PRICKLE1: variants seen among roughly 807,000 people sequenced by gnomAD.
PRICKLE1 encodes the protein prickle planar cell polarity protein 1, also known as prickle-like protein 1.
A neutral mutation model predicts 70.2 loss-of-function variants in PRICKLE1; 14 were observed. The ratio of observed to expected loss-of-function variants is 0.20; its 90% CI spans 0.13 to 0.31. PRICKLE1 has a LOEUF of 0.31. PRICKLE1 is among the 10% of genes least tolerant of loss of function. PRICKLE1 has a pLI of 1.00. For missense variants in PRICKLE1, 821 were observed against 1,026.2 expected (o/e 0.80, Z 2.73); for synonymous variants, 357 against 379.9 (o/e 0.94, Z 0.70).
At position 42,464,770 on chromosome 12, in the gene PRICKLE1, A is replaced by T; in HGVS notation, c.1264T>A (p.Phe422Ile). 6.2e-7 allele frequency: 1 copy of T among 1,614,022 alleles called. No individual in the cohort carries two copies. Among genetic ancestry groups the T allele is most frequent in the South Asian group, 1.1e-5 (1 of 91,054 alleles). ...GGCTGAAAGAGGCTTTTATCACCAA[A>T]CTTGAGGAGGAGCTGCGTCATATAA... ...EDYMTQLLLK[F>I]GDKSLFQPQP... The change falls in exon 7 of 8, where the codon TTT (phenylalanine) becomes ATT (isoleucine). Residue 422 changes from phenylalanine to isoleucine, a missense_variant. Transcript: ENST00000345127. The surrounding 1 kb of genome is among the most constrained non-coding windows in gnomAD (Gnocchi z 4.2).
In PRICKLE1 at chr12:42,474,251, G is replaced by A. The variant is rs147429208; in HGVS notation, c.-48-1687C>T. Among the ~76,000 whole-genome samples the A allele has an allele frequency of 7.6e-3, 1,155 of 152,252 alleles. 40 individuals carry two copies. The East Asian group carries it at 0.11, about 14-fold the overall frequency. On this transcript the variant is annotated intron_variant, in intron 1 of 7. Coordinates refer to ENST00000345127, the MANE Select transcript of PRICKLE1 (RefSeq NM_153026.3). The stretch of plus-strand genomic sequence containing the variant: ...TGCACCCCTGGACTCCAGCCTGGGC[G>A]ACAGAGCGAGACTCCGTCTCGAAAA...
chr12:42,541,943 G>A (rs570834917), intron 1 of PRICKLE1, among the ~76,000 whole-genome samples: 28 of 152,172 alleles, frequency 1.8e-4, no homozygotes, highest in Non-Finnish European at 3.4e-4. Flanking sequence ...GAAGAGAAAC[G>A]GGCTTGCAAC....
intron 1 of PRICKLE1, among the ~76,000 whole-genome samples, chr12:42,507,394 C>G (rs1400859131): frequency 6.6e-6 from 1 of 152,120 alleles, no homozygotes; most frequent in African/African-American, 2.4e-5. Flanking sequence ...GGTTTTGAAC[C>G]CTTTTGAACT....
At chr12:42,531,583 T>C (rs897082985) in intron 1 of PRICKLE1, among the ~76,000 whole-genome samples, 1 of 152,196 alleles carries the variant, frequency 6.6e-6, no homozygotes. Context: ...AAAAGGTGTG[T>C]AGTTTAATTC....
intron 1 of PRICKLE1, among the ~76,000 whole-genome samples, chr12:42,558,884 A>C (rs1246543777): frequency 6.6e-6 from 1 of 152,196 alleles, no homozygotes; most frequent in African/African-American, 2.4e-5. Context: ...AGTCAATCAA[A>C]TAGCAAACAG....
chr12:42,479,324 G>A (rs1003001763), intron 1 of PRICKLE1, among the ~76,000 whole-genome samples: 2 of 152,194 alleles, frequency 1.3e-5, no homozygotes, highest in Admixed American at 1.3e-4. Context: ...ATTGACCAAC[G>A]TTTCCAGCTG....
chr12:42,473,011 G>A (rs1938385703), intron 1 of PRICKLE1, among the ~76,000 whole-genome samples: 1 of 152,162 alleles, frequency 6.6e-6, no homozygotes, highest in East Asian at 1.9e-4. Flanking sequence ...CGGCACCCCT[G>A]TATTTCCTAA....
chr12:42,520,411 T>G (rs1423421814), intron 1 of PRICKLE1, among the ~76,000 whole-genome samples: 2 of 152,230 alleles, frequency 1.3e-5, no homozygotes, highest in African/African-American at 2.4e-5. Context: ...TCCCATTTAC[T>G]AACTTTGTGA....
intron 1 of PRICKLE1, among the ~76,000 whole-genome samples, chr12:42,479,240 A>C (rs920027145): frequency 7.2e-5 from 11 of 152,256 alleles, no homozygotes; most frequent in African/African-American, 2.7e-4. Flanking sequence ...GTTAATAACA[A>C]AACCTGAGTT....
intron 1 of PRICKLE1, among the ~76,000 whole-genome samples, chr12:42,519,846 A>T (rs182496519): frequency 6.6e-6 from 1 of 152,122 alleles, no homozygotes; most frequent in Non-Finnish European, 1.5e-5. Flanking sequence ...CTCATTCTGT[A>T]GCCCAGGCTG....
In PRICKLE1 at chr12:42,460,277, C is replaced by G. The variant is rs1196140643; in HGVS notation, c.2028G>C (p.Arg676=). Residue 676 remains arginine (R), a synonymous_variant, in exon 8 of 8, where the codon CGG becomes CGC. Transcript: ENST00000345127. The stretch of plus-strand genomic sequence containing the variant: ...TGTCGGAGCGGGACTTTCTACTTCT[C>G]CGGCGGCGGTGGTGATGAGACCTGG... The part of the protein sequence containing the change: ...RGSRSHHHRR[R]RSRKSRSDNA... 1 of 1,614,006 alleles carries G rather than the reference C, an allele frequency of 6.2e-7. No homozygotes were observed. The highest frequency in any genetic ancestry group is 8.5e-7 in the Non-Finnish European group (1 of 1,180,054).
intron 1 of PRICKLE1, among the ~76,000 whole-genome samples, chr12:42,510,279 A>T (rs1337956023): frequency 6.6e-6 from 1 of 151,898 alleles, no homozygotes; most frequent in African/African-American, 2.4e-5. Context: ...TATTTTTAGT[A>T]GAGATGGGGT....
At chr12:42,535,330 C>A (rs907750682) in intron 1 of PRICKLE1, among the ~76,000 whole-genome samples, 2 of 152,150 alleles carry the variant, frequency 1.3e-5, no homozygotes, top group African/African-American at 2.4e-5. Context: ...CACGCTAGCA[C>A]AAGATTTAGT....
At chr12:42,532,012 A>T (rs889434002) in intron 1 of PRICKLE1, among the ~76,000 whole-genome samples, 5 of 152,074 alleles carry the variant, frequency 3.3e-5, no homozygotes, top group Non-Finnish European at 7.4e-5. Flanking sequence ...ATAAATAAAT[A>T]AATTAGCCGG....
intron 1 of PRICKLE1, among the ~76,000 whole-genome samples, chr12:42,507,958 G>A (rs971791606): frequency 6.6e-6 from 1 of 152,162 alleles, no homozygotes. Context: ...AAAATGCAAC[G>A]ATGTCAATCT....
chr12:42,502,232 TACCTCTATATATATACAC>T (rs1939325006), intron 1 of PRICKLE1, among the ~76,000 whole-genome samples: 1 of 143,886 alleles, frequency 6.9e-6, no homozygotes, highest in African/African-American at 2.7e-5. Flanking sequence ...CCTATACATA[TACCTCTATATATATACAC>T]ACCTATATAT....
At chr12:42,529,354 A>C (rs1033765551) in intron 1 of PRICKLE1, among the ~76,000 whole-genome samples, 3 of 152,256 alleles carry the variant, frequency 2.0e-5, no homozygotes, top group Non-Finnish European at 4.4e-5. Context: ...GACAGGGTAA[A>C]AGAAATATAA....
chr12:42,503,829 C>G (rs1939357527), intron 1 of PRICKLE1, among the ~76,000 whole-genome samples: 1 of 152,268 alleles, frequency 6.6e-6, no homozygotes, highest in East Asian at 1.9e-4. Context: ...CTAGGTCACA[C>G]CTGAGGTTCC....
chr12:42,469,794 T>A lies in PRICKLE1; in HGVS notation c.247-207A>T, dbSNP rs7952738. On this transcript the variant is annotated intron_variant, in intron 3 of 7. Coordinates refer to ENST00000345127, the MANE Select transcript of PRICKLE1 (RefSeq NM_153026.3). ...GCAATGTGAAGGAATACTTTTTTTT[T>A]AAATAAGAAATGTTTAATTGAAAAC... 5,649 of 621,390 alleles carry A rather than the reference T, an allele frequency of 9.1e-3. 40 individuals are homozygous for A. The highest frequency in any genetic ancestry group is 0.028 in the Middle Eastern group (73 of 2,640). 38.5% of individuals were successfully genotyped at this position (621,390 alleles called of 1,614,324 possible). A position where few individuals can be genotyped will look rare whatever the true frequency, so the allele number is the denominator to read the frequency against.
Sources: allele counts gnomAD v4.1 joint callset (sites outside exome capture counted in the v4.1 genomes callset), GRCh38; gene constraint gnomAD v4.1.1; non-coding constraint Gnocchi (gnomAD v3.1); transcripts MANE v1.5; gene names NCBI Gene and HGNC (gene_info 2026-07-23, HGNC 2026-07-21).